Variants in CDKN2B-AS1 observed in about 807,000 individuals in gnomAD.
The protein encoded by CDKN2B-AS1 is CDKN2B and CDKN2A antisense cis and trans regulatory RNA 1.
chr9:22,013,463 A>G, intron 1 of CDKN2B-AS1, among the ~76,000 whole-genome samples: 1 of 151,228 alleles, frequency 6.6e-6, no homozygotes, highest in Admixed American at 6.6e-5. Flanking sequence ...TTTTTTTCTT[A>G]TAAGGGACAG....
intron 4 of CDKN2B-AS1, among the ~76,000 whole-genome samples, chr9:22,080,789 G>C (rs746030019): frequency 2.0e-5 from 3 of 152,234 alleles, no homozygotes; most frequent in Non-Finnish European, 4.4e-5. Context: ...CAGGCCACCA[G>C]ACTGCTGGGT....
intron 1 of CDKN2B-AS1, among the ~76,000 whole-genome samples, chr9:22,033,734 G>A (rs1822571105): frequency 6.6e-6 from 1 of 152,194 alleles, no homozygotes; most frequent in Non-Finnish European, 1.5e-5. Flanking sequence ...ACCTGCTGAT[G>A]TTGGTCCAAG....
chr9:22,019,914 A>G (rs139536531), intron 1 of CDKN2B-AS1, among the ~76,000 whole-genome samples: 54 of 152,324 alleles, frequency 3.5e-4, no homozygotes, highest in African/African-American at 1.2e-3. Context: ...GGTTTGTTAC[A>G]TAGGTTAAAC....
chr9:22,006,476 C>G lies in CDKN2B-AS1; in HGVS notation n.29+11315C>G, dbSNP rs1392936042. On this transcript the variant is annotated intron_variant and non_coding_transcript_variant, in intron 1 of 4. Coordinates refer to ENST00000650946, the Ensembl canonical transcript of CDKN2B-AS1. This position sits in a 1 kb window ranked among gnomAD's most constrained non-coding sequence, Gnocchi z 6.4. ...AGTACAAATTAAATGCCATTTTATT[C>G]TCTAAACGTGCAGAGACAAGAAAGT... Among the ~76,000 whole-genome samples, 1 of 152,210 alleles carries G rather than the reference C, an allele frequency of 6.6e-6. No individual in the cohort carries two copies. Among genetic ancestry groups the G allele is most frequent in the Admixed American group, 6.5e-5 (1 of 15,284 alleles).
At chr9:22,067,395 A>G (rs368124065) in intron 4 of CDKN2B-AS1, among the ~76,000 whole-genome samples, 82 of 152,308 alleles carry the variant, frequency 5.4e-4, no homozygotes, top group Non-Finnish European at 2.6e-4. Flanking sequence ...TAGGATGTCA[A>G]ATAAATGAAG....
chr9:22,022,342 T>TG (rs1156550720), intron 1 of CDKN2B-AS1, among the ~76,000 whole-genome samples: 81 of 152,238 alleles, frequency 5.3e-4, no homozygotes, highest in East Asian at 3.9e-4. Context: ...GTTCCTGTGT[T>TG]GGGTGTATAT....
intron 4 of CDKN2B-AS1, among the ~76,000 whole-genome samples, chr9:22,071,918 C>T (rs1284107068): frequency 6.6e-6 from 1 of 152,114 alleles, no homozygotes. Flanking sequence ...GCCTTTTAAT[C>T]TAGGACATGT....
chr9:22,037,275 C>T (rs1047719463), intron 1 of CDKN2B-AS1, among the ~76,000 whole-genome samples: 47 of 152,158 alleles, frequency 3.1e-4, no homozygotes, highest in Admixed American at 2.4e-3. Flanking sequence ...GTTTAAAGTA[C>T]ATACTATTCA....
In CDKN2B-AS1 at chr9:22,005,528, G is replaced by C. The variant is rs1821129859; in HGVS notation, n.29+10367G>C. The C allele has an allele frequency of 3.2e-6, 1 of 310,360 alleles. No homozygotes were observed. Among genetic ancestry groups the C allele is most frequent in the South Asian group, 6.1e-5 (1 of 16,274 alleles). The allele number at this position is 310,360 out of a possible 1,614,324, so 19.2% of individuals were successfully genotyped here. A position where few individuals can be genotyped will look rare whatever the true frequency, so the allele number is the denominator to read the frequency against. ...TTCTGCCGCTAGGGCCTAAGTTGTG[G>C]GTTCACCATAACTCCTCAGCAGACA... On this transcript the variant is annotated intron_variant and non_coding_transcript_variant, in intron 1 of 4. Transcript: ENST00000650946. This position sits in a 1 kb window ranked among gnomAD's most constrained non-coding sequence, Gnocchi z 4.9.
exon 2 of CDKN2B-AS1, chr9:22,046,755 C>T (rs1312074482): frequency 6.6e-6 from 1 of 152,012 alleles, no homozygotes; most frequent in African/African-American, 2.4e-5. Flanking sequence ...ATCCAGTGTC[C>T]CTTTTGATGA....
At position 22,017,838 on chromosome 9, in the gene CDKN2B-AS1, C is replaced by T. The variant is rs370562191; in HGVS notation, n.29+22677C>T. 7.5e-5 allele frequency among the ~76,000 whole-genome samples: 11 copies of T among 146,084 alleles called. No homozygotes were observed. The East Asian group carries it at 1.2e-3, about 15-fold the overall frequency. On this transcript the variant is annotated intron_variant and non_coding_transcript_variant, in intron 1 of 4. Coordinates refer to ENST00000650946, the Ensembl canonical transcript of CDKN2B-AS1. ...AAGAGGTGTTGCATTAGTAACCAAC[C>T]TTAAACTACTGCTGAAACAACTTTA...
intron 1 of CDKN2B-AS1, among the ~76,000 whole-genome samples, chr9:22,043,968 C>A (rs1220919323): frequency 6.6e-6 from 1 of 151,816 alleles, no homozygotes; most frequent in Non-Finnish European, 1.5e-5. Flanking sequence ...GTGATAGTAA[C>A]CATAGCAATG....
intron 1 of CDKN2B-AS1, among the ~76,000 whole-genome samples, chr9:22,020,066 C>T (rs971112278): frequency 6.6e-6 from 1 of 152,188 alleles, no homozygotes; most frequent in Non-Finnish European, 1.5e-5. Context: ...TTGTTCCCCT[C>T]TGTGTGTTCA....
At chr9:22,116,000 G>A (rs1021218629) in intron 4 of CDKN2B-AS1, among the ~76,000 whole-genome samples, 1 of 152,234 alleles carries the variant, frequency 6.6e-6, no homozygotes, top group South Asian at 2.1e-4. Flanking sequence ...TATTAGTTAT[G>A]TCTTGTTGAA....
intron 4 of CDKN2B-AS1, among the ~76,000 whole-genome samples, chr9:22,101,665 A>AACACACACACACAC (rs748040681): frequency 9.2e-4 from 116 of 125,494 alleles, no homozygotes; most frequent in African/African-American, 3.0e-3. Flanking sequence ...AACCCTCTTC[A>AACACACACACACAC]ACACACACAC....
In CDKN2B-AS1 at chr9:22,005,165, G is replaced by C. The variant is rs983888232; in HGVS notation, n.29+10004G>C. The stretch of plus-strand genomic sequence containing the variant: ...GTGAAAGAAAACGTTACAGTTAACC[G>C]TTACAATTGCTCTCACTCCACTCCA... On this transcript the variant is annotated intron_variant and non_coding_transcript_variant, in intron 1 of 4. Coordinates refer to ENST00000650946, the Ensembl canonical transcript of CDKN2B-AS1. This position sits in a 1 kb window ranked among gnomAD's most constrained non-coding sequence, Gnocchi z 4.9. 4 of 232,402 alleles carry C rather than the reference G, an allele frequency of 1.7e-5. No individual in the cohort carries two copies. Among genetic ancestry groups the C allele is most frequent in the African/African-American group, 8.9e-5 (4 of 44,996 alleles). 14.4% of individuals were successfully genotyped at this position (232,402 alleles called of 1,614,324 possible). A position where few individuals can be genotyped will look rare whatever the true frequency, so the allele number is the denominator to read the frequency against.
intron 1 of CDKN2B-AS1, among the ~76,000 whole-genome samples, chr9:22,019,697 A>T (rs1265964717): frequency 6.6e-6 from 1 of 152,170 alleles, no homozygotes; most frequent in Non-Finnish European, 1.5e-5. Flanking sequence ...ATTTAGACTA[A>T]TTTGCATTAA....
At chr9:22,021,131 A>C (rs1755341790) in intron 1 of CDKN2B-AS1, among the ~76,000 whole-genome samples, 2 of 152,198 alleles carry the variant, frequency 1.3e-5, no homozygotes, top group South Asian at 4.1e-4. Flanking sequence ...TTGAATAGGG[A>C]ATCTGTTCTC....
chr9:22,099,139 G>A (rs1587530874), intron 4 of CDKN2B-AS1, among the ~76,000 whole-genome samples: 1 of 152,166 alleles, frequency 6.6e-6, no homozygotes, highest in Non-Finnish European at 1.5e-5. Flanking sequence ...AGGAAAGGGG[G>A]TCAAGTGTAT....
Sources: allele counts gnomAD v4.1 joint callset (sites outside exome capture counted in the v4.1 genomes callset), GRCh38; gene constraint gnomAD v4.1.1; non-coding constraint Gnocchi (gnomAD v3.1); transcripts MANE v1.5; gene names NCBI Gene and HGNC (gene_info 2026-07-23, HGNC 2026-07-21).